KCNH5: variants seen among roughly 807,000 people sequenced by gnomAD.
The protein encoded by KCNH5 is potassium voltage-gated channel subfamily H member 5, also known as voltage-gated delayed rectifier potassium channel KCNH5.
A neutral mutation model predicts 96.1 loss-of-function variants in KCNH5; 46 were observed. The observed-to-expected ratio is 0.48, with a 90% CI of 0.38 to 0.61. The LOEUF is 0.61. Among genes scored for constraint, KCNH5 ranks in the 20% least tolerant of loss-of-function variants. KCNH5 has a pLI of 0.00. For synonymous variants in KCNH5, 439 were observed against 449.8 expected (o/e 0.98, Z 0.30); for missense variants, 907 against 1,225.8 (o/e 0.74, Z 3.88).
intron 4 of KCNH5, among the ~76,000 whole-genome samples, chr14:62,989,717 T>C (rs1890775270): frequency 6.6e-6 from 1 of 152,078 alleles, no homozygotes; most frequent in Non-Finnish European, 1.5e-5. Context: ...TATCCCTCCA[T>C]TCTTAGCACT....
At chr14:62,903,575 T>C (rs554950227) in intron 7 of KCNH5, among the ~76,000 whole-genome samples, 3 of 152,230 alleles carry the variant, frequency 2.0e-5, no homozygotes, top group African/African-American at 4.8e-5. Context: ...TCTTCAGTTG[T>C]CGCATTCTCT....
At chr14:63,009,861 G>A (rs1174921040) in intron 2 of KCNH5, among the ~76,000 whole-genome samples, 2 of 152,130 alleles carry the variant, frequency 1.3e-5, no homozygotes, top group East Asian at 3.9e-4. Context: ...TGCAGTCTTT[G>A]AATGGTTAAT....
rs1298094177 is a variant in KCNH5 at position 62,963,734 on chromosome 14, T to C, written c.943-13175A>G. Among the ~76,000 whole-genome samples, 4 of 152,224 alleles carry C rather than the reference T, an allele frequency of 2.6e-5. No individual in the cohort carries two copies. In the East Asian group the frequency reaches 7.7e-4, roughly 29 times the overall value. ...AGTGCTATTCTCAGCAAGAAACAGATACACCCAGTAACAATGTGTAATCTG... is the reference window on the plus strand; with the variant it reads ...AGTGCTATTCTCAGCAAGAAACAGACACACCCAGTAACAATGTGTAATCTG... On this transcript the variant is annotated intron_variant, in intron 6 of 10. Coordinates refer to ENST00000322893, the MANE Select transcript of KCNH5 (RefSeq NM_139318.5).
intron 6 of KCNH5, among the ~76,000 whole-genome samples, chr14:62,974,334 T>C (rs974064246): frequency 6.6e-6 from 1 of 152,170 alleles, no homozygotes; most frequent in African/African-American, 2.4e-5. Context: ...TTGATGATGT[T>C]CTATGGCTCA....
chr14:62,722,625 G>T (rs1884838835), intron 10 of KCNH5, among the ~76,000 whole-genome samples: 1 of 152,156 alleles, frequency 6.6e-6, no homozygotes, highest in Non-Finnish European at 1.5e-5. Flanking sequence ...TCCATATGCT[G>T]GAAGTTTAAC....
rs543542296 is a variant in KCNH5, at chr14:62,823,268, A to G, written c.1570-20687T>C. ...TTGAATTGACCATTGATCTTATCCT[A>G]CTCACTTCCATAATAAGTATAATCA... On this transcript the variant is annotated intron_variant, in intron 8 of 10. Transcript: ENST00000322893. Among the ~76,000 whole-genome samples the G allele has an allele frequency of 2.6e-4, 40 of 152,128 alleles. 1 individual carries two copies. In the South Asian group the frequency reaches 8.3e-3, roughly 32 times the overall value.
At position 62,834,013 on chromosome 14, in the gene KCNH5, C is replaced by T. The variant is rs535641555; in HGVS notation, c.1569+15640G>A. 1.6e-4 allele frequency among the ~76,000 whole-genome samples: 25 copies of T among 152,174 alleles called. 2 individuals carry two copies. In the South Asian group the frequency reaches 3.9e-3, roughly 24 times the overall value. ...TGCCTGTATCAAATCCACCAGTAATCTCCATGTTGTAAAATCCAAATGGAA... is the reference window on the plus strand; with the variant it reads ...TGCCTGTATCAAATCCACCAGTAATTTCCATGTTGTAAAATCCAAATGGAA... On this transcript the variant is annotated intron_variant, in intron 8 of 10. Transcript: ENST00000322893.
chr14:62,910,229 T>C (rs980286481), intron 7 of KCNH5, among the ~76,000 whole-genome samples: 1 of 151,660 alleles, frequency 6.6e-6, no homozygotes. Context: ...AAATTATAAA[T>C]AGAAGAAATA....
chr14:62,724,359 T>G (rs1884879148), intron 10 of KCNH5, among the ~76,000 whole-genome samples: 1 of 152,182 alleles, frequency 6.6e-6, no homozygotes, highest in Non-Finnish European at 1.5e-5. Context: ...TGAACTTGCT[T>G]CTTTTCAGCT....
At chr14:62,956,065 A>T (rs776722300) in intron 6 of KCNH5, among the ~76,000 whole-genome samples, 1 of 152,142 alleles carries the variant, frequency 6.6e-6, no homozygotes, top group African/African-American at 2.4e-5. Context: ...AGCACTGAGC[A>T]TATCGTCCAA....
chr14:62,960,329 A>G (rs1890182710), intron 6 of KCNH5, among the ~76,000 whole-genome samples: 2 of 152,144 alleles, frequency 1.3e-5, no homozygotes, highest in Admixed American at 6.6e-5. Context: ...TCTCTTTGTG[A>G]TTGTGCATGT....
chr14:62,790,909 T>C (rs1886420549), intron 9 of KCNH5, among the ~76,000 whole-genome samples: 1 of 151,876 alleles, frequency 6.6e-6, no homozygotes, highest in African/African-American at 2.4e-5. Flanking sequence ...TAGAATCATG[T>C]CATCTACAAA....
intron 10 of KCNH5, among the ~76,000 whole-genome samples, chr14:62,732,255 T>C (rs1249861262): frequency 6.6e-6 from 1 of 152,130 alleles, no homozygotes; most frequent in African/African-American, 2.4e-5. Flanking sequence ...TCTCCACCTA[T>C]AGAATGAACA....
At chr14:62,850,030 C>T (rs542875962) in intron 7 of KCNH5, among the ~76,000 whole-genome samples, 178 bp from the exon 8 acceptor site, 9 of 152,198 alleles carry the variant, frequency 5.9e-5, no homozygotes, top group African/African-American at 2.2e-4. Context: ...ACATTACCTG[C>T]AGTAGGAGAA....
intron 9 of KCNH5, among the ~76,000 whole-genome samples, chr14:62,790,145 A>G (rs1185694829): frequency 6.6e-6 from 1 of 151,758 alleles, no homozygotes; most frequent in South Asian, 2.1e-4. Flanking sequence ...TCTCAGCACC[A>G]TATATTGAAA....
chr14:62,762,630 A>G (rs2139957464), intron 10 of KCNH5, among the ~76,000 whole-genome samples: 1 of 152,308 alleles, frequency 6.6e-6, no homozygotes, highest in African/African-American at 2.4e-5. Context: ...GCTGTCTTCA[A>G]GAGACCCATT....
At chr14:62,731,635 A>G (rs1413605611) in intron 10 of KCNH5, among the ~76,000 whole-genome samples, 2 of 152,216 alleles carry the variant, frequency 1.3e-5, no homozygotes, top group Non-Finnish European at 2.9e-5. Flanking sequence ...TGCTAATTAT[A>G]ATACTTGTAG....
intron 1 of KCNH5, among the ~76,000 whole-genome samples, chr14:63,024,127 T>G (rs1412868046): frequency 2.0e-5 from 3 of 152,004 alleles, no homozygotes; most frequent in Non-Finnish European, 4.4e-5. Context: ...GAGAATCACT[T>G]GAACCCGGGA....
intron 1 of KCNH5, among the ~76,000 whole-genome samples, chr14:63,044,867 A>T (rs767428143): frequency 2.0e-5 from 3 of 152,282 alleles, no homozygotes; most frequent in Non-Finnish European, 4.4e-5. Context: ...TCTTTCCTCC[A>T]GTTCTGGGCT....
Sources: allele counts gnomAD v4.1 joint callset (sites outside exome capture counted in the v4.1 genomes callset), GRCh38; gene constraint gnomAD v4.1.1; transcripts MANE v1.5; gene names NCBI Gene and HGNC (gene_info 2026-07-23, HGNC 2026-07-21).